The following CCDC102B variants were observed in gnomAD, a reference collection of about 807,000 sequenced individuals.
The protein encoded by CCDC102B is coiled-coil domain-containing protein 102B.
A neutral mutation model predicts 57.4 loss-of-function variants in CCDC102B; 75 were observed. The observed-to-expected ratio is 1.31, with a 90% CI of 1.08 to 1.58. CCDC102B has a LOEUF of 1.58. Ranked by LOEUF, CCDC102B falls within the 40% of genes most tolerant of loss-of-function variation. The pLI, the probability that CCDC102B is intolerant of heterozygous loss-of-function variation, is 0.00. For synonymous variants in CCDC102B, 206 were observed against 201.9 expected (o/e 1.02, Z -0.17); for missense variants, 636 against 582.6 (o/e 1.09, Z -0.94).
chr18:68,715,355 G>T, exon 1 of CCDC102B: 1 of 716,806 alleles, frequency 1.4e-6, no homozygotes, highest in Non-Finnish European at 1.8e-6. Flanking sequence ...GTTATGCTGA[G>T]GGTGAGGTAG....
intron 2 of CCDC102B, among the ~76,000 whole-genome samples, chr18:68,736,215 T>C (rs917585576): frequency 1.3e-5 from 2 of 152,196 alleles, no homozygotes; most frequent in African/African-American, 4.8e-5. Context: ...ATCAAGAGTA[T>C]AAAACTACCC....
chr18:68,796,843 ATGTGTGTGTGTGTG>A (rs35894372), upstream of CCDC102B, among the ~76,000 whole-genome samples: 1 of 146,992 alleles, frequency 6.8e-6, no homozygotes, highest in Non-Finnish European at 1.5e-5. Context: ...ATGTACATGC[ATGTGTGTGTGTGTG>A]TGTGTGTGTG....
At chr18:68,838,560 G>C (rs117016431) in intron 2 of CCDC102B, 146 bp from the exon 3 acceptor site, 10 of 1,429,598 alleles carry the variant, frequency 7.0e-6, no homozygotes, top group Non-Finnish European at 1.8e-6. Flanking sequence ...AGTAAGTGTG[G>C]CCACACAACA....
intron 7 of CCDC102B, among the ~76,000 whole-genome samples, chr18:69,037,845 C>T (rs1417493993): frequency 1.3e-5 from 2 of 151,902 alleles, no homozygotes; most frequent in Admixed American, 6.6e-5. Flanking sequence ...GGGGCTATTG[C>T]GGGACTTGTT....
intron 5 of CCDC102B, among the ~76,000 whole-genome samples, chr18:68,887,814 A>G (rs972117822): frequency 6.6e-6 from 1 of 152,224 alleles, no homozygotes; most frequent in African/African-American, 2.4e-5. Context: ...GTGGAAAAAC[A>G]TGTTTTATCT....
intron 3 of CCDC102B, among the ~76,000 whole-genome samples, chr18:68,844,682 G>T (rs2037780827): frequency 6.6e-6 from 1 of 151,766 alleles, no homozygotes; most frequent in Non-Finnish European, 1.5e-5. Flanking sequence ...ATGATGATTT[G>T]TACATATACT....
At chr18:68,911,481 G>A (rs56080490) in intron 6 of CCDC102B, among the ~76,000 whole-genome samples, 56,885 of 150,794 alleles carry the variant, frequency 0.38, 12,127 homozygotes, top group East Asian at 0.51. Flanking sequence ...GGCCGGGCGC[G>A]GTGGCTCACG....
intron 2 of CCDC102B, among the ~76,000 whole-genome samples, chr18:68,723,658 G>A (rs1024601588): frequency 6.6e-6 from 1 of 152,196 alleles, no homozygotes; most frequent in East Asian, 1.9e-4. Context: ...CTTACATCCA[G>A]GGCACACTGA....
intron 6 of CCDC102B, among the ~76,000 whole-genome samples, chr18:68,990,023 TG>T (rs1301287457): frequency 6.6e-6 from 1 of 152,236 alleles, no homozygotes; most frequent in Non-Finnish European, 1.5e-5. Context: ...GACCCACTCC[TG>T]GATCATCCCA....
chr18:68,936,762 T>C (rs12961360), intron 6 of CCDC102B, among the ~76,000 whole-genome samples: 4 of 74,506 alleles, frequency 5.4e-5, no homozygotes, highest in African/African-American at 8.9e-5. Flanking sequence ...TATATATATA[T>C]ACACACATAC....
rs143668773 is a variant in CCDC102B, at chr18:68,905,146, T to TA, written c.1263+7719dup. On this transcript the variant is annotated intron_variant, in intron 6 of 7. Transcript: ENST00000360242. The stretch of plus-strand genomic sequence containing the variant: ...TCCTTCATGTGTATCAAACAGGTGA[T>TA]ATGTTAACCCATATCCAATTAAAAC... Among the ~76,000 whole-genome samples, 1,169 of 151,168 alleles carry TA rather than the reference T, an allele frequency of 7.7e-3. 15 individuals are homozygous for TA. The highest frequency in any genetic ancestry group is 0.027 in the African/African-American group (1,124 of 41,030).
At chr18:69,034,642 A>G (rs1179071061) in intron 7 of CCDC102B, among the ~76,000 whole-genome samples, 3 of 151,812 alleles carry the variant, frequency 2.0e-5, no homozygotes, top group Non-Finnish European at 4.4e-5. Context: ...ACTGAAATTA[A>G]CAAATGTGAG....
chr18:68,890,095 A>G (rs1415418085), intron 5 of CCDC102B, among the ~76,000 whole-genome samples: 2 of 152,110 alleles, frequency 1.3e-5, no homozygotes, highest in Non-Finnish European at 2.9e-5. Context: ...CAGGGATAGA[A>G]CCAGTCACAT....
At chr18:69,056,697 T>G (rs1175036674), downstream of CCDC102B, among the ~76,000 whole-genome samples, 2 of 105,218 alleles carry the variant, frequency 1.9e-5, no homozygotes, top group Non-Finnish European at 4.5e-5. Context: ...TAGAGATTGA[T>G]AGATACATTA....
chr18:68,825,567 G>A (rs2036875553), intron 1 of CCDC102B, among the ~76,000 whole-genome samples: 1 of 152,072 alleles, frequency 6.6e-6, no homozygotes, highest in Non-Finnish European at 1.5e-5. Context: ...GTGCGTGCCT[G>A]TAGCCCCAGC....
At chr18:68,879,331 CAAAGAACG>C (rs545591064) in intron 5 of CCDC102B, among the ~76,000 whole-genome samples, 66 of 152,238 alleles carry the variant, frequency 4.3e-4, no homozygotes, top group African/African-American at 1.3e-3. Flanking sequence ...AGATTTATTG[CAAAGAACG>C]AAAGAACAAA....
chr18:69,040,292 T>A (rs1397411092), intron 7 of CCDC102B, among the ~76,000 whole-genome samples: 6 of 151,904 alleles, frequency 3.9e-5, no homozygotes, highest in Non-Finnish European at 7.4e-5. Flanking sequence ...TGAGTGAAAG[T>A]TATATATAAT....
At chr18:68,766,959 T>C (rs2034488350) in intron 2 of CCDC102B, among the ~76,000 whole-genome samples, 2 of 152,126 alleles carry the variant, frequency 1.3e-5, no homozygotes, top group East Asian at 3.9e-4. Context: ...ATGCTGTTTT[T>C]CCCCATTTCG....
At chr18:69,057,950 T>C (rs531391101), downstream of CCDC102B, among the ~76,000 whole-genome samples, 11 of 152,044 alleles carry the variant, frequency 7.2e-5, no homozygotes, top group Non-Finnish European at 1.3e-4. Context: ...ACCCAATTCA[T>C]GAGCATAGCA....
Sources: gnomAD v4.1 joint callset for allele counts (sites outside exome capture counted in the v4.1 genomes callset) on GRCh38, gnomAD v4.1.1 for gene constraint, MANE v1.5 for transcripts, NCBI Gene and HGNC (gene_info 2026-07-23, HGNC 2026-07-21) for gene names.